MORN1: variants seen among roughly 807,000 people sequenced by gnomAD.
MORN1 encodes MORN repeat-containing protein 1.
MORN1 carries 67 observed loss-of-function variants against 61.9 expected under a neutral mutation model. The ratio of observed to expected loss-of-function variants is 1.08; its 90% CI spans 0.89 to 1.33. MORN1 has a LOEUF of 1.33. Ranked by LOEUF, MORN1 falls within the 40% of genes most tolerant of loss-of-function variation. The pLI is 0.00. For missense variants in MORN1, 752 were observed against 691.2 expected, an observed-to-expected ratio of 1.09 and a Z score of -0.99; for synonymous variants, 301 against 292.0, an observed-to-expected ratio of 1.03 and a Z score of -0.31.
At chr1:2,344,528 G>A (rs1023817319) in intron 10 of MORN1, among the ~76,000 whole-genome samples, 3 of 152,208 alleles carry the variant, frequency 2.0e-5, no homozygotes, top group Admixed American at 2.0e-4. Context: ...GCCAGGAGCG[G>A]GGACCGCACA....
chr1:2,356,591 C>A (rs1026068609), intron 10 of MORN1, among the ~76,000 whole-genome samples: 3 of 152,192 alleles, frequency 2.0e-5, no homozygotes, highest in Non-Finnish European at 4.4e-5. Flanking sequence ...GGGACCCCCA[C>A]GCCCGACCCC....
rs909718944 is a variant in MORN1 at position 2,378,651 on chromosome 1, G to A, written c.538-4094C>T. The stretch of plus-strand genomic sequence containing the variant: ...TGATACAGCCAGGGATGCCCGGAGG[G>A]CCGCGCTGCTGCCAACATGGGTAGG... On this transcript the variant is annotated intron_variant, in intron 6 of 13. Coordinates refer to ENST00000378531, the MANE Select transcript of MORN1 (RefSeq NM_024848.3). The A allele has an allele frequency of 1.3e-5, 4 of 305,368 alleles. No individual in the cohort carries two copies. The East Asian group carries it at 3.5e-4, about 27-fold the overall frequency. The allele number at this position is 305,368 out of a possible 1,614,324, so 18.9% of individuals were successfully genotyped here.
In MORN1 at chr1:2,374,555, T is replaced by G. The variant is rs1283691240; in HGVS notation, c.540A>C (p.Gly180=). ...CACTGAAGACGTCGCTGTGCCACTG[T>G]CCCTGCAGAGAGAAGGGTGAGGCTC... ...LRCADGSTYK[G]QWHSDVFSGL... The change falls in exon 7 of 14, where the codon GGA becomes GGC. Residue 180 remains glycine, a splice_region_variant and synonymous_variant. Coordinates refer to ENST00000378531, the MANE Select transcript of MORN1 (RefSeq NM_024848.3). 1.9e-6 allele frequency: 3 copies of G among 1,586,664 alleles called. No individual in the cohort carries two copies. Among genetic ancestry groups the G allele is most frequent in the Non-Finnish European group, 2.6e-6 (3 of 1,166,872 alleles).
chr1:2,359,058 G>C (rs1204492632), intron 8 of MORN1, among the ~76,000 whole-genome samples: 1 of 152,138 alleles, frequency 6.6e-6, no homozygotes, highest in Non-Finnish European at 1.5e-5. Flanking sequence ...GCCTGGGGCT[G>C]GCACACTATG....
Position 2,321,663 on chromosome 1 carries a change from T to C in MORN1, c.1298-84A>G. 8 of 1,403,282 alleles carry C rather than the reference T, an allele frequency of 5.7e-6. No individual in the cohort carries two copies. The East Asian group carries it at 2.0e-4, about 35-fold the overall frequency. 86.9% of individuals were successfully genotyped at this position (1,403,282 alleles called of 1,614,324 possible). On this transcript the variant is annotated intron_variant, in intron 13 of 13. Coordinates refer to ENST00000378531, the MANE Select transcript of MORN1 (RefSeq NM_024848.3). ...TCAGCCCACTGCCCACTGTCTCATG[T>C]GCCCGCTGGCCCCTGTGCCCCCGAC...
intron 10 of MORN1, among the ~76,000 whole-genome samples, chr1:2,354,170 G>C (rs927847953): frequency 6.6e-5 from 10 of 152,110 alleles, no homozygotes; most frequent in Non-Finnish European, 1.3e-4. Flanking sequence ...AGTCCTGCTG[G>C]GTCCTTGGCC....
chr1:2,378,852 G>C (rs1642306109), intron 6 of MORN1: 4 of 446,004 alleles, frequency 9.0e-6, no homozygotes, highest in Non-Finnish European at 1.8e-5. Context: ...TCACAGGCTG[G>C]TGGGGGTGCT....
At chr1:2,371,847 G>A (rs1453727250) in intron 8 of MORN1, 2 of 178,008 alleles carry the variant, frequency 1.1e-5, no homozygotes, top group African/African-American at 4.8e-5. Flanking sequence ...GGCGGAGGTT[G>A]CGGAGAGCCG....
chr1:2,362,737 G>A (rs1023722375), intron 8 of MORN1, among the ~76,000 whole-genome samples: 101 of 152,184 alleles, frequency 6.6e-4, no homozygotes, highest in African/African-American at 2.3e-3. Flanking sequence ...GGTGGCGGGC[G>A]CCTGTAATCC....
chr1:2,358,814 A>C, intron 8 of MORN1, 99 bp from the exon 9 acceptor site: 6 of 1,439,860 alleles, frequency 4.2e-6, no homozygotes, highest in South Asian at 1.3e-5. Context: ...TTTATAACTC[A>C]GCGGGGCCAC....
Position 2,384,943 on chromosome 1 carries a change from C to T in MORN1, c.537+35G>A, listed in dbSNP as rs1366757901. The stretch of plus-strand genomic sequence containing the variant: ...GCCCTGCCCACCACGAGGCCTGTAC[C>T]CTCTGGGCAGCAGGTGCCGCGCGCC... On this transcript the variant is annotated intron_variant, in intron 6 of 13. Transcript: ENST00000378531. 4.6e-6 allele frequency: 7 copies of T among 1,520,986 alleles called. No individual in the cohort carries two copies. The African/African-American group carries it at 9.6e-5, about 21-fold the overall frequency. The allele number at this position is 1,520,986 out of a possible 1,614,324, so 94.2% of individuals were successfully genotyped here.
chr1:2,368,886 G>A (rs1642049687), intron 8 of MORN1, among the ~76,000 whole-genome samples: 1 of 151,954 alleles, frequency 6.6e-6, no homozygotes, highest in Non-Finnish European at 1.5e-5. Context: ...GTGAAACCCT[G>A]TCTCTACTAA....
intron 10 of MORN1, among the ~76,000 whole-genome samples, chr1:2,343,459 G>T (rs1267688401): frequency 6.6e-6 from 1 of 152,192 alleles, no homozygotes; most frequent in Non-Finnish European, 1.5e-5. Context: ...TGTGGGGCAG[G>T]CCCCTCATCT....
At chr1:2,362,610 T>C (rs1641911583) in intron 8 of MORN1, among the ~76,000 whole-genome samples, 1 of 152,106 alleles carries the variant, frequency 6.6e-6, no homozygotes, top group African/African-American at 2.4e-5. Context: ...GAAGAAATAA[T>C]GGTTGAAAAA....
intron 10 of MORN1, among the ~76,000 whole-genome samples, chr1:2,354,333 G>A (rs1641714038): frequency 6.6e-6 from 1 of 152,190 alleles, no homozygotes; most frequent in Non-Finnish European, 1.5e-5. Context: ...GGGAGGCTGA[G>A]GCGGGAGGAC....
chr1:2,388,478 G>A, intron 2 of MORN1, 141 bp from the exon 3 acceptor site: 1 of 615,208 alleles, frequency 1.6e-6, no homozygotes, highest in Admixed American at 3.1e-5. Flanking sequence ...TGCTATACAT[G>A]TATTTAAAAA....
chr1:2,335,543 G>A (rs899937614), intron 12 of MORN1, among the ~76,000 whole-genome samples: 5 of 152,152 alleles, frequency 3.3e-5, no homozygotes, highest in Non-Finnish European at 4.4e-5. Context: ...CAAGGCCCCC[G>A]GTGCCACCCC....
At chr1:2,336,580 G>A in intron 11 of MORN1, 32 bp from the exon 12 acceptor site, 1 of 1,610,740 alleles carries the variant, frequency 6.2e-7, no homozygotes, top group Non-Finnish European at 8.5e-7. Flanking sequence ...AGGGGAGAAG[G>A]AAAGGCTCAG....
intron 10 of MORN1, among the ~76,000 whole-genome samples, chr1:2,341,681 C>T (rs373569030): frequency 7.6e-5 from 11 of 143,874 alleles, no homozygotes; most frequent in African/African-American, 2.8e-4. Flanking sequence ...CAGAGCGAGA[C>T]TCCGTCTCAA....
Sources: allele counts gnomAD v4.1 joint callset (sites outside exome capture counted in the v4.1 genomes callset), GRCh38; gene constraint gnomAD v4.1.1; transcripts MANE v1.5; gene names NCBI Gene and HGNC (gene_info 2026-07-23, HGNC 2026-07-21).